Variants in APEH observed in about 807,000 individuals in gnomAD.
APEH encodes the protein acylaminoacyl-peptide hydrolase.
Under a neutral mutation model 102.7 loss-of-function variants are expected in APEH, and 75 were observed. That is an observed-to-expected ratio of 0.73 (90% CI 0.61 to 0.89). The LOEUF (loss-of-function observed/expected upper bound fraction) is 0.89. APEH is among the 40% of genes least tolerant of loss of function. APEH has a pLI of 0.00. For missense variants in APEH, 863 were observed against 941.2 expected (o/e 0.92, Z 1.09); for synonymous variants, 344 against 362.7 (o/e 0.95, Z 0.59).
At position 49,679,178 on chromosome 3, in the gene APEH, C is replaced by T. The variant is rs1390533602; in HGVS notation, c.1158+229C>T. 6.6e-6 allele frequency among the ~76,000 whole-genome samples: 1 copy of T among 152,160 alleles called. No individual in the cohort carries two copies. The highest frequency in any genetic ancestry group is 6.5e-5 in the Admixed American group (1 of 15,284). On this transcript the variant is annotated intron_variant, in intron 12 of 21. Coordinates refer to ENST00000296456, the MANE Select transcript of APEH (RefSeq NM_001640.4). This position sits in a 1 kb window ranked among gnomAD's most constrained non-coding sequence, Gnocchi z 4.3. ...GTCTGAGGCAGAGATGCAACCCCTC[C>T]CAGGCATTTCTAGCTGGGGGTCAAG...
Position 49,681,153 on chromosome 3 carries a change from C to T in APEH, c.1352C>T (p.Ser451Phe), listed in dbSNP as rs202078335. 1.2e-4 allele frequency: 196 copies of T among 1,610,610 alleles called. No homozygotes were observed. Among genetic ancestry groups the T allele is most frequent in the Non-Finnish European group, 6.0e-5 (71 of 1,178,294 alleles). The change falls in exon 15 of 22, where the codon TCC becomes TTC. Residue 451 changes from serine (S) to phenylalanine (F), a missense_variant. Physicochemically the swap from Ser to Phe is radical, Grantham distance 155. Coordinates refer to ENST00000296456, the MANE Select transcript of APEH (RefSeq NM_001640.4). ...AAGGAGCAGTCAGTGTTGTGGGTGT[C>T]CCTGGAGGAGGCCGAGCCCATTCCC... is the stretch of plus-strand genomic sequence containing the variant. ...AGKEQSVLWV[S>F]LEEAEPIPDI...
chr3:49,674,999 C>T (rs1284026254), intron 2 of APEH, among the ~76,000 whole-genome samples, 184 bp from the exon 3 acceptor site: 1 of 152,182 alleles, frequency 6.6e-6, no homozygotes, highest in African/African-American at 2.4e-5. Context: ...TCAGCTCAGG[C>T]TCTGGAGGCC....
intron 13 of APEH, 54 bp from the exon 14 acceptor site, chr3:49,680,487 G>C: frequency 2.0e-6 from 3 of 1,489,784 alleles, no homozygotes; most frequent in Non-Finnish European, 2.8e-6. Context: ...CAGAGAAGCA[G>C]GTAAGAAAGG....
In APEH at chr3:49,683,087, G is replaced by T; in HGVS notation, c.2034G>T (p.Val678=). ...LLMLGQEDRR[V]PFKQGMEYYR... ...TGTTGGGCCAGGAGGACCGGCGTGT[G>T]CCCTTCAAGCAGGGCATGGAGTATT... is the stretch of plus-strand genomic sequence containing the variant. Residue 678 remains valine, a synonymous_variant, in exon 21 of 22, where the codon GTG becomes GTT. Coordinates refer to ENST00000296456, the MANE Select transcript of APEH (RefSeq NM_001640.4). 2 of 1,614,076 alleles carry T rather than the reference G, an allele frequency of 1.2e-6. No individual in the cohort carries two copies. The highest frequency in any genetic ancestry group is 1.7e-6 in the Non-Finnish European group (2 of 1,180,042).
Position 49,682,898 on chromosome 3 carries a change from G to A in APEH, c.1939G>A (p.Val647Met), listed in dbSNP as rs752180297. ...CAGTGACTGCCTGCCAGACCTCAGCGTGTGGGCTGAGATGCTGGACAAATC... is the reference window on the plus strand; with the variant it reads ...CAGTGACTGCCTGCCAGACCTCAGCATGTGGGCTGAGATGCTGGACAAATC... ...FSSDCLPDLSVWAEMLDKSPI... is the reference protein window; with the variant it reads ...FSSDCLPDLSMWAEMLDKSPI... The change falls in exon 20 of 22, where the codon GTG becomes ATG. Residue 647 changes from valine (V) to methionine (M), a missense_variant. Transcript: ENST00000296456. 36 of 1,614,052 alleles carry A rather than the reference G, an allele frequency of 2.2e-5. No individual in the cohort carries two copies. The highest frequency in any genetic ancestry group is 2.9e-5 in the Non-Finnish European group (34 of 1,180,036).
In APEH at chr3:49,681,229, T is replaced by A; in HGVS notation, c.1428T>A (p.Asn476Lys). The A allele has an allele frequency of 6.3e-7, 1 of 1,591,154 alleles. No individual in the cohort carries two copies. Reference protein sequence around the residue: ...RVLQPPPEQENVQYAGLDFEA... With the variant: ...RVLQPPPEQEKVQYAGLDFEA... ...TACAGCCACCCCCAGAGCAAGAGAA[T>A]GTGCAGTATGGTGAGCTGGGCCAGG... is the stretch of plus-strand genomic sequence containing the variant. The change falls in exon 15 of 22, where the codon AAT (asparagine) becomes AAA (lysine). Residue 476 changes from asparagine to lysine, a missense_variant. Coordinates refer to ENST00000296456, the MANE Select transcript of APEH (RefSeq NM_001640.4).
chr3:49,673,122 C>G (rs1244842241), upstream of APEH, among the ~76,000 whole-genome samples: 1 of 28,510 alleles, frequency 3.5e-5, no homozygotes, highest in Non-Finnish European at 7.1e-5. Flanking sequence ...TTTTACTTAA[C>G]TAGTTATCTT....
In APEH at chr3:49,674,382, C is replaced by T. The variant is rs1321920354; in HGVS notation, c.-20C>T. Reference sequence around the variant, plus strand: ...GGGCGCGAGCACGCCCCGCCTCGCCCCGGCGGCAGAGAGGAGACTATGGAA... The same window carrying T: ...GGGCGCGAGCACGCCCCGCCTCGCCTCGGCGGCAGAGAGGAGACTATGGAA... On this transcript the variant is annotated 5_prime_UTR_variant, in exon 1 of 22. Coordinates refer to ENST00000296456, the MANE Select transcript of APEH (RefSeq NM_001640.4). 2.6e-6 allele frequency: 4 copies of T among 1,567,608 alleles called. No homozygotes were observed. The highest frequency in any genetic ancestry group is 1.2e-5 in the South Asian group (1 of 86,768).
chr3:49,680,609 C>T lies in APEH; in HGVS notation c.1279C>T (p.Pro427Ser), dbSNP rs1362146625. 3.1e-6 allele frequency: 5 copies of T among 1,614,034 alleles called. No homozygotes were observed. The highest frequency in any genetic ancestry group is 4.2e-6 in the Non-Finnish European group (5 of 1,179,984). Residue 427 changes from proline (P) to serine (S), a missense_variant, in exon 14 of 22, where the codon CCC (proline) becomes TCC (serine). Physicochemically the swap from Pro to Ser is moderately conservative, Grantham distance 74 (BLOSUM62 -1). Transcript: ENST00000296456. ...CCTCATGGTGGCACAGTTTTCCACA[C>T]CCAGCCTACCTCCAACCCTGGTGAG... ...QDLMVAQFST[P>S]SLPPTLKVGF...
chr3:49,680,230 C>A, intron 13 of APEH: 1 of 382,510 alleles, frequency 2.6e-6, no homozygotes. Context: ...GCTCCCCGAC[C>A]CCCAACTTCC....
rs767837141 is a variant in APEH, at chr3:49,682,306, A to G, written c.1604-42A>G. On this transcript the variant is annotated intron_variant, in intron 17 of 21. Coordinates refer to ENST00000296456, the MANE Select transcript of APEH (RefSeq NM_001640.4). ...TGAAAAGAGCGTCGAGGGGGCTGGG[A>G]ATGTTGCCTGACTACACTGTCTGGT... 2.4e-5 allele frequency: 38 copies of G among 1,551,414 alleles called. No individual in the cohort carries two copies. The East Asian group carries it at 6.0e-4, about 24-fold the overall frequency.
At chr3:49,677,728 C>A (rs1293658722) in intron 11 of APEH, 95 bp downstream of exon 11, 1 of 1,245,798 alleles carries the variant, frequency 8.0e-7, no homozygotes, top group East Asian at 2.4e-5. Context: ...TTCCTAGGTT[C>A]CTTCTGAGGG....
At position 49,674,704 on chromosome 3, in the gene APEH, G is replaced by C; in HGVS notation, c.145+83G>C. On this transcript the variant is annotated intron_variant, in intron 2 of 21. Coordinates refer to ENST00000296456, the MANE Select transcript of APEH (RefSeq NM_001640.4). Reference sequence around the variant, plus strand: ...AGGGGGTGTGGAGGGCTCGCTGCTTGACAGTGCGTAAGGGTATATAGGGAG... The same window carrying C: ...AGGGGGTGTGGAGGGCTCGCTGCTTCACAGTGCGTAAGGGTATATAGGGAG... 3 of 1,530,550 alleles carry C rather than the reference G, an allele frequency of 2.0e-6. 1 individual carries two copies. In the South Asian group the frequency reaches 3.6e-5, roughly 18 times the overall value. 94.8% of individuals were successfully genotyped at this position (1,530,550 alleles called of 1,614,324 possible). A position where few individuals can be genotyped will look rare whatever the true frequency, so the allele number is the denominator to read the frequency against.
At chr3:49,674,645 C>T in intron 2 of APEH, 24 bp downstream of exon 2, 1 of 1,585,350 alleles carries the variant, frequency 6.3e-7, no homozygotes, top group Non-Finnish European at 8.5e-7. Flanking sequence ...GGGGAACTGG[C>T]TGGCGACGGG....
chr3:49,679,718 C>T lies in APEH; in HGVS notation c.1210+74C>T, dbSNP rs1285201089. 11 of 1,469,210 alleles carry T rather than the reference C, an allele frequency of 7.5e-6. No homozygotes were observed. In the South Asian group the frequency reaches 1.3e-4, roughly 17 times the overall value. 91.0% of individuals were successfully genotyped at this position (1,469,210 alleles called of 1,614,324 possible). A position where few individuals can be genotyped will look rare whatever the true frequency, so the allele number is the denominator to read the frequency against. On this transcript the variant is annotated intron_variant, in intron 13 of 21. Coordinates refer to ENST00000296456, the MANE Select transcript of APEH (RefSeq NM_001640.4). The surrounding 1 kb of genome is among the most constrained non-coding windows in gnomAD (Gnocchi z 4.3). ...CCAACCAGGCAGCGGGGGACTGGAG[C>T]TCCAACATGTGGGGCAGTGATGGCA...
chr3:49,676,734 G>A (rs1211642394), intron 8 of APEH, 34 bp downstream of exon 8: 2 of 1,614,230 alleles, frequency 1.2e-6, no homozygotes, highest in South Asian at 1.1e-5. Flanking sequence ...GGGCCTTGCA[G>A]CCCAGCTGGC....
intron 3 of APEH, 149 bp downstream of exon 3, chr3:49,675,458 G>C: frequency 8.3e-7 from 1 of 1,209,584 alleles, no homozygotes. Flanking sequence ...GACATGGCCT[G>C]ATAAGCACTG....
chr3:49,681,234 A>C lies in APEH; in HGVS notation c.1433A>C (p.Gln478Pro), dbSNP rs535978549. Residue 478 changes from glutamine (Q) to proline (P), a missense_variant, in exon 15 of 22, where the codon CAG (glutamine) becomes CCG (proline). Gln to Pro is a moderately conservative substitution (Grantham distance 76). Coordinates refer to ENST00000296456, the MANE Select transcript of APEH (RefSeq NM_001640.4). The stretch of plus-strand genomic sequence containing the variant: ...CCACCCCCAGAGCAAGAGAATGTGC[A>C]GTATGGTGAGCTGGGCCAGGGGCAG... ...LQPPPEQENV[Q>P]YAGLDFEAIL... 1 of 1,579,708 alleles carries C rather than the reference A, an allele frequency of 6.3e-7. No homozygotes were observed. The highest frequency in any genetic ancestry group is 8.6e-7 in the Non-Finnish European group (1 of 1,160,292).
chr3:49,679,808 T>A lies in APEH; in HGVS notation c.1210+164T>A. Reference sequence around the variant, plus strand: ...TACTAACAGGTCCCCAAGGCCCCTGTCTGTGCAGACCCTTACCCAACCAAC... The same window carrying A: ...TACTAACAGGTCCCCAAGGCCCCTGACTGTGCAGACCCTTACCCAACCAAC... On this transcript the variant is annotated intron_variant, in intron 13 of 21. Coordinates refer to ENST00000296456, the MANE Select transcript of APEH (RefSeq NM_001640.4). This position sits in a 1 kb window ranked among gnomAD's most constrained non-coding sequence, Gnocchi z 4.3. The A allele has an allele frequency of 2.9e-6, 2 of 690,900 alleles. No homozygotes were observed. Among genetic ancestry groups the A allele is most frequent in the Admixed American group, 4.5e-5 (2 of 44,792 alleles). 42.8% of individuals were successfully genotyped at this position (690,900 alleles called of 1,614,324 possible). A position where few individuals can be genotyped will look rare whatever the true frequency, so the allele number is the denominator to read the frequency against.
Sources: allele counts gnomAD v4.1 joint callset (sites outside exome capture counted in the v4.1 genomes callset), GRCh38; gene constraint gnomAD v4.1.1; non-coding constraint Gnocchi (gnomAD v3.1); transcripts MANE v1.5; gene names NCBI Gene and HGNC (gene_info 2026-07-23, HGNC 2026-07-21).